PRKG2: variants seen among roughly 807,000 people sequenced by gnomAD.
PRKG2 encodes protein kinase cGMP-dependent 2, also known as cGMP-dependent protein kinase 2.
Under a neutral mutation model 97.2 loss-of-function variants are expected in PRKG2, and 33 were observed. That is an observed-to-expected ratio of 0.34 (90% CI 0.26 to 0.45). The LOEUF (loss-of-function observed/expected upper bound fraction) is 0.45, where lower values mean the gene tolerates loss of function less well. Among genes scored for constraint, PRKG2 ranks in the 20% least tolerant of loss-of-function variants. The pLI is 1.00. For missense variants in PRKG2, 638 were observed against 900.0 expected, an observed-to-expected ratio of 0.71 and a Z score of 3.73; for synonymous variants, 330 against 321.8, an observed-to-expected ratio of 1.03 and a Z score of -0.27.
At position 81,087,520 on chromosome 4, in the gene PRKG2, G is replaced by C. The variant is rs1167050872; in HGVS notation, c.*2188C>G. 1 of 152,012 alleles carries C rather than the reference G, an allele frequency of 6.6e-6. No individual in the cohort carries two copies. The highest frequency in any genetic ancestry group is 1.5e-5 in the Non-Finnish European group (1 of 67,964). The allele number at this position is 152,012 out of a possible 1,614,324, so 9.4% of individuals were successfully genotyped here. A position where few individuals can be genotyped will look rare whatever the true frequency, so the allele number is the denominator to read the frequency against. On this transcript the variant is annotated 3_prime_UTR_variant, in exon 19 of 19. Coordinates refer to ENST00000264399, the MANE Select transcript of PRKG2 (RefSeq NM_006259.3). ...TTAAGGCCCCTTTAATTTTAATAGA[G>C]ACAGTAACAGTAGCTCCCGTCTATG...
intron 6 of PRKG2, among the ~76,000 whole-genome samples, chr4:81,165,831 A>T (rs1578453914): frequency 6.6e-6 from 1 of 152,064 alleles, no homozygotes; most frequent in Admixed American, 6.6e-5. Flanking sequence ...ATTTATTTTT[A>T]ATGATACTAA....
intron 2 of PRKG2, among the ~76,000 whole-genome samples, chr4:81,176,530 A>T (rs1299220227): frequency 6.6e-6 from 1 of 152,206 alleles, no homozygotes; most frequent in Non-Finnish European, 1.5e-5. Context: ...AACTGTGAAC[A>T]ATATCAAGAA....
At chr4:81,130,309 A>C (rs998320912) in intron 14 of PRKG2, among the ~76,000 whole-genome samples, 5 of 152,142 alleles carry the variant, frequency 3.3e-5, no homozygotes, top group Admixed American at 3.3e-4. Context: ...CCTTTGTATT[A>C]CCAGGTGAGG....
intron 6 of PRKG2, 38 bp from the exon 7 acceptor site, chr4:81,153,759 TG>T (rs1352488585): frequency 6.7e-6 from 10 of 1,497,742 alleles, no homozygotes; most frequent in African/African-American, 1.4e-5. Context: ...TAAGAGCGGG[TG>T]GAGCCAAGAT....
intron 10 of PRKG2, among the ~76,000 whole-genome samples, chr4:81,143,488 C>A (rs1265938684): frequency 6.6e-6 from 1 of 152,062 alleles, no homozygotes; most frequent in Non-Finnish European, 1.5e-5. Flanking sequence ...AAGTACATTT[C>A]TTACTTTATG....
At chr4:81,148,187 T>C (rs974008070) in intron 9 of PRKG2, among the ~76,000 whole-genome samples, 8 of 152,162 alleles carry the variant, frequency 5.3e-5, no homozygotes, top group Admixed American at 3.9e-4. Context: ...ATATTTCATA[T>C]GCGTATGCTC....
At chr4:81,169,617 A>G (rs777443766) in intron 5 of PRKG2, 46 bp downstream of exon 5, 16 of 1,321,506 alleles carry the variant, frequency 1.2e-5, no homozygotes, top group Non-Finnish European at 1.7e-5. Flanking sequence ...TATTCACAAT[A>G]TGGCGACTCC....
At chr4:81,198,225 AC>A (rs2110121986) in intron 2 of PRKG2, among the ~76,000 whole-genome samples, 1 of 152,380 alleles carries the variant, frequency 6.6e-6, no homozygotes, top group East Asian at 1.9e-4. Context: ...GCAGATATCA[AC>A]TAAGAAGAAG....
chr4:81,137,883 A>G (rs1395371591), intron 12 of PRKG2, among the ~76,000 whole-genome samples: 1 of 152,180 alleles, frequency 6.6e-6, no homozygotes, highest in Non-Finnish European at 1.5e-5. Context: ...CTTGCATAGT[A>G]GTTATTCATG....
At chr4:81,116,161 G>GT (rs1323091211) in intron 14 of PRKG2, among the ~76,000 whole-genome samples, 2 of 152,130 alleles carry the variant, frequency 1.3e-5, no homozygotes, top group Non-Finnish European at 2.9e-5. Flanking sequence ...CTGATAGGTA[G>GT]TTTTTTGATC....
chr4:81,193,228 A>G (rs1752698644), intron 2 of PRKG2: 2 of 152,192 alleles, frequency 1.3e-5, no homozygotes, highest in African/African-American at 4.8e-5. Flanking sequence ...ACATGCAATT[A>G]GAAAACATAT....
At chr4:81,115,438 T>C (rs1744420655) in intron 14 of PRKG2, among the ~76,000 whole-genome samples, 1 of 152,208 alleles carries the variant, frequency 6.6e-6, no homozygotes, top group Non-Finnish European at 1.5e-5. Flanking sequence ...AAATGTGTTG[T>C]CTATTTTTGG....
chr4:81,093,772 T>C (rs1055018776), intron 17 of PRKG2, among the ~76,000 whole-genome samples: 2 of 152,240 alleles, frequency 1.3e-5, no homozygotes, highest in Non-Finnish European at 2.9e-5. Flanking sequence ...ATTTCAAGTA[T>C]ATATTTCAAG....
At chr4:81,155,156 C>T (rs1748910501) in intron 6 of PRKG2, among the ~76,000 whole-genome samples, 1 of 127,492 alleles carries the variant, frequency 7.8e-6, no homozygotes, top group African/African-American at 3.9e-5. Context: ...CCAGCCTGGG[C>T]GACAGAGCGA....
intron 14 of PRKG2, among the ~76,000 whole-genome samples, chr4:81,117,449 T>G (rs530278264): frequency 6.6e-6 from 1 of 152,304 alleles, no homozygotes; most frequent in Non-Finnish European, 1.5e-5. Context: ...TGAGAGTTAG[T>G]GGTATACTTC....
chr4:81,208,330 A>G (rs1406269334), intron 1 of PRKG2, among the ~76,000 whole-genome samples: 2 of 152,152 alleles, frequency 1.3e-5, no homozygotes, highest in East Asian at 1.9e-4. Context: ...GAAACAGGCA[A>G]TTAATGTCTA....
chr4:81,099,168 A>G (rs1264250164), intron 17 of PRKG2, among the ~76,000 whole-genome samples: 4 of 152,170 alleles, frequency 2.6e-5, no homozygotes, highest in Non-Finnish European at 4.4e-5. Context: ...CTCTGTAGCT[A>G]TTTCTGAGAA....
intron 6 of PRKG2, chr4:81,154,302 C>G (rs1240123563): frequency 5.2e-5 from 8 of 153,322 alleles, no homozygotes; most frequent in Non-Finnish European, 1.0e-4. Context: ...TCTGTAGGCT[C>G]CACCTCTGGG....
At chr4:81,101,664 T>C (rs1006649226) in intron 17 of PRKG2, among the ~76,000 whole-genome samples, 4 of 150,150 alleles carry the variant, frequency 2.7e-5, no homozygotes, top group Admixed American at 6.7e-5. Context: ...CATGTATACA[T>C]ATGTAACTAA....
Sources: gnomAD v4.1 joint callset for allele counts (sites outside exome capture counted in the v4.1 genomes callset) on GRCh38, gnomAD v4.1.1 for gene constraint, MANE v1.5 for transcripts, NCBI Gene and HGNC (gene_info 2026-07-23, HGNC 2026-07-21) for gene names.